RUNDC3B: variants seen among roughly 807,000 people sequenced by gnomAD.
RUNDC3B encodes RUN domain-containing protein 3B.
RUNDC3B carries 33 observed loss-of-function variants against 58.4 expected under a neutral mutation model. The observed-to-expected ratio is 0.56, with a 90% CI of 0.43 to 0.75. The LOEUF (loss-of-function observed/expected upper bound fraction) is 0.75. Ranked by LOEUF, RUNDC3B falls within the 30% of genes least tolerant of loss-of-function variation. RUNDC3B has a pLI of 0.00. For missense variants in RUNDC3B, 501 were observed against 535.7 expected, an observed-to-expected ratio of 0.94 and a Z score of 0.64; for synonymous variants, 193 against 195.2, an observed-to-expected ratio of 0.99 and a Z score of 0.10.
At chr7:87,716,435 G>T (rs190742159) in intron 4 of RUNDC3B, among the ~76,000 whole-genome samples, 1 of 152,268 alleles carries the variant, frequency 6.6e-6, no homozygotes, top group Non-Finnish European at 1.5e-5. Flanking sequence ...TGAACCTCTT[G>T]GGACCTGTAG....
chr7:87,790,621 T>G (rs1835472012), intron 8 of RUNDC3B, among the ~76,000 whole-genome samples: 1 of 152,092 alleles, frequency 6.6e-6, no homozygotes, highest in Non-Finnish European at 1.5e-5. Flanking sequence ...AATTCTATCA[T>G]AAATTTAACA....
chr7:87,784,233 G>A (rs1353625702), intron 8 of RUNDC3B, among the ~76,000 whole-genome samples: 1 of 152,088 alleles, frequency 6.6e-6, no homozygotes, highest in Non-Finnish European at 1.5e-5. Flanking sequence ...TTTCACTCTG[G>A]TTAGGATTCA....
intron 1 of RUNDC3B, among the ~76,000 whole-genome samples, chr7:87,640,910 C>T (rs1278061514): frequency 6.6e-6 from 1 of 152,082 alleles, no homozygotes; most frequent in Non-Finnish European, 1.5e-5. Flanking sequence ...ATTTTAAAAA[C>T]CTGTCTTTTT....
At chr7:87,755,362 G>T (rs1833308833) in intron 6 of RUNDC3B, among the ~76,000 whole-genome samples, 1 of 151,898 alleles carries the variant, frequency 6.6e-6, no homozygotes, top group Non-Finnish European at 1.5e-5. Flanking sequence ...AAATATTGAG[G>T]AGGAAAGACT....
Position 87,741,598 on chromosome 7 carries a change from T to C in RUNDC3B, c.629+19T>C. The C allele has an allele frequency of 7.3e-7, 1 of 1,379,296 alleles. No individual in the cohort carries two copies. Among genetic ancestry groups the C allele is most frequent in the Non-Finnish European group, 1.0e-6 (1 of 984,078 alleles). The allele number at this position is 1,379,296 out of a possible 1,614,324, so 85.4% of individuals were successfully genotyped here. On this transcript the variant is annotated intron_variant, in intron 6 of 10. Coordinates refer to ENST00000394654, the MANE Select transcript of RUNDC3B (RefSeq NM_001134405.2). ...TCCAAAGGTATGTGACATTTTGAGA[T>C]ATGTTTTTTAAAATCTTATTTAAAA...
chr7:87,822,687 A>C (rs1584291945), intron 10 of RUNDC3B, among the ~76,000 whole-genome samples: 1 of 152,184 alleles, frequency 6.6e-6, no homozygotes, highest in African/African-American at 2.4e-5. Flanking sequence ...GCACATATAC[A>C]CCATGGAATA....
At chr7:87,657,898 C>T (rs1824276191) in intron 2 of RUNDC3B, among the ~76,000 whole-genome samples, 1 of 152,140 alleles carries the variant, frequency 6.6e-6, no homozygotes, top group Non-Finnish European at 1.5e-5. Context: ...CAATGCCCCC[C>T]TCCCACCTTC....
chr7:87,702,000 A>G (rs6971865), intron 3 of RUNDC3B, among the ~76,000 whole-genome samples: 23,698 of 151,362 alleles, frequency 0.16, 3,138 homozygotes, highest in African/African-American at 0.37. Flanking sequence ...AAAATTAGCC[A>G]GGCGTGGTGG....
intron 2 of RUNDC3B, among the ~76,000 whole-genome samples, chr7:87,697,216 A>G (rs1192460742): frequency 2.0e-5 from 3 of 152,188 alleles, no homozygotes; most frequent in Admixed American, 1.3e-4. Context: ...GATTACCACT[A>G]TAGGTGGTTG....
At chr7:87,715,292 T>G (rs10248345) in intron 4 of RUNDC3B, among the ~76,000 whole-genome samples, 5,169 of 129,646 alleles carry the variant, frequency 0.04, 242 homozygotes, top group East Asian at 0.079. Flanking sequence ...TATAATTAAT[T>G]TATAATAATT....
chr7:87,651,488 TCTATAA>T (rs943381457), intron 2 of RUNDC3B, among the ~76,000 whole-genome samples: 3 of 152,140 alleles, frequency 2.0e-5, no homozygotes, highest in South Asian at 2.1e-4. Context: ...ATTAAAAAGA[TCTATAA>T]AATATAGTTG....
At chr7:87,633,959 G>A (rs898966836) in intron 1 of RUNDC3B, among the ~76,000 whole-genome samples, 4 of 152,134 alleles carry the variant, frequency 2.6e-5, no homozygotes, top group South Asian at 4.1e-4. Flanking sequence ...CCGTGGCCCC[G>A]GCATCTGCTG....
At position 87,751,738 on chromosome 7, in the gene RUNDC3B, A is replaced by G. The variant is rs554380138; in HGVS notation, c.629+10159A>G. Among the ~76,000 whole-genome samples the G allele has an allele frequency of 1.4e-3, 208 of 152,208 alleles. 1 individual carries two copies. The highest frequency in any genetic ancestry group is 4.9e-3 in the African/African-American group (205 of 41,536). ...TTGTACATTGATTTTGTATCCTGAGACTTTGCTGAAGTTGCTTATCAGCTT... is the reference window on the plus strand; with the variant it reads ...TTGTACATTGATTTTGTATCCTGAGGCTTTGCTGAAGTTGCTTATCAGCTT... On this transcript the variant is annotated intron_variant, in intron 6 of 10. Coordinates refer to ENST00000394654, the MANE Select transcript of RUNDC3B (RefSeq NM_001134405.2).
chr7:87,732,320 C>T (rs891869479), intron 4 of RUNDC3B, among the ~76,000 whole-genome samples: 3 of 151,974 alleles, frequency 2.0e-5, no homozygotes, highest in Non-Finnish European at 4.4e-5. Flanking sequence ...CTTGAAAAAA[C>T]TACTTAATGA....
chr7:87,748,026 G>A (rs1318855487), intron 6 of RUNDC3B, among the ~76,000 whole-genome samples: 3 of 152,200 alleles, frequency 2.0e-5, no homozygotes, highest in African/African-American at 7.2e-5. Flanking sequence ...AATTTTTGCA[G>A]AGTTCAGCTA....
intron 10 of RUNDC3B, among the ~76,000 whole-genome samples, chr7:87,822,878 G>C (rs144918693): frequency 0.048 from 7,373 of 152,138 alleles, 269 homozygotes; most frequent in East Asian, 0.092. Context: ...TCACACTCCA[G>C]GGACTGTTGT....
intron 3 of RUNDC3B, among the ~76,000 whole-genome samples, chr7:87,706,706 T>C (rs999242931): frequency 6.6e-6 from 1 of 151,984 alleles, no homozygotes. Context: ...GTTGTGGAGG[T>C]GGAGATTTTT....
At chr7:87,679,584 C>T (rs1826723996) in intron 2 of RUNDC3B, among the ~76,000 whole-genome samples, 2 of 150,076 alleles carry the variant, frequency 1.3e-5, no homozygotes, top group African/African-American at 5.0e-5. Flanking sequence ...GAGGCTAGGT[C>T]TCACTATGTT....
At chr7:87,814,862 T>C (rs1161533716) in intron 9 of RUNDC3B, among the ~76,000 whole-genome samples, 3 of 152,160 alleles carry the variant, frequency 2.0e-5, no homozygotes, top group Non-Finnish European at 2.9e-5. Context: ...TGTCACCTCA[T>C]TCTTCATTTC....
Sources: allele counts gnomAD v4.1 joint callset (sites outside exome capture counted in the v4.1 genomes callset), GRCh38; gene constraint gnomAD v4.1.1; transcripts MANE v1.5; gene names NCBI Gene and HGNC (gene_info 2026-07-23, HGNC 2026-07-21).